Variants in NUDCD1 observed in about 807,000 individuals in gnomAD.
The protein encoded by NUDCD1 is NudC domain containing 1, also known as nudC domain-containing protein 1.
In NUDCD1, 60 loss-of-function variants were observed where a neutral mutation model predicts 67.8. The observed-to-expected ratio is 0.88, with a 90% CI of 0.72 to 1.10. The LOEUF (loss-of-function observed/expected upper bound fraction) is 1.10. NUDCD1 is among the 50% of genes least tolerant of loss of function. The pLI is 0.00. For missense variants in NUDCD1, 643 were observed against 695.0 expected (o/e 0.93, Z 0.84); for synonymous variants, 244 against 230.8 (o/e 1.06, Z -0.52).
At chr8:109,303,002 C>G (rs1054041293) in intron 2 of NUDCD1, among the ~76,000 whole-genome samples, 1 of 152,202 alleles carries the variant, frequency 6.6e-6, no homozygotes, top group Admixed American at 6.5e-5. Flanking sequence ...AGCCACATTT[C>G]CAGCACACCA....
chr8:109,317,227 A>G (rs185779119), intron 2 of NUDCD1, among the ~76,000 whole-genome samples: 32 of 152,324 alleles, frequency 2.1e-4, no homozygotes, highest in Admixed American at 2.6e-4. Flanking sequence ...GAAAATGATA[A>G]TAGAGACCAG....
At chr8:109,258,771 A>T (rs1813797641) in intron 8 of NUDCD1, among the ~76,000 whole-genome samples, 1 of 152,206 alleles carries the variant, frequency 6.6e-6, no homozygotes, top group Non-Finnish European at 1.5e-5. Flanking sequence ...TGAAGGCTTG[A>T]CACTGTACAG....
intron 2 of NUDCD1, among the ~76,000 whole-genome samples, chr8:109,321,887 T>A (rs1346891067): frequency 6.6e-6 from 1 of 152,086 alleles, no homozygotes; most frequent in Non-Finnish European, 1.5e-5. Context: ...AAGAGACATT[T>A]TAAAATGCTA....
chr8:109,315,694 A>C (rs1815374576), intron 2 of NUDCD1: 1 of 152,190 alleles, frequency 6.6e-6, no homozygotes, highest in African/African-American at 2.4e-5. Flanking sequence ...ATTTTCCTGG[A>C]TTCTGCCATG....
chr8:109,300,487 T>C (rs1814960691), intron 2 of NUDCD1, among the ~76,000 whole-genome samples: 1 of 151,808 alleles, frequency 6.6e-6, no homozygotes, highest in African/African-American at 2.4e-5. Context: ...ATCAAACAAG[T>C]AGAAGAAAGA....
chr8:109,296,107 C>T (rs1206671855), intron 3 of NUDCD1, among the ~76,000 whole-genome samples: 2 of 152,090 alleles, frequency 1.3e-5, no homozygotes, highest in African/African-American at 2.4e-5. Context: ...AACGCCAATG[C>T]TTAATGAAGT....
chr8:109,331,980 CCTA>C (rs1324219679), intron 1 of NUDCD1, among the ~76,000 whole-genome samples: 2 of 152,200 alleles, frequency 1.3e-5, no homozygotes, highest in East Asian at 3.9e-4. Flanking sequence ...CAGCATACAA[CCTA>C]CTAATTATTT....
chr8:109,313,819 G>T, intron 2 of NUDCD1: 1 of 1,068,174 alleles, frequency 9.4e-7, no homozygotes, highest in Non-Finnish European at 1.3e-6. Flanking sequence ...GACGGAGGTT[G>T]CTAGAAGTCT....
At chr8:109,314,693 A>C (rs1480710114) in intron 2 of NUDCD1, among the ~76,000 whole-genome samples, 1 of 152,132 alleles carries the variant, frequency 6.6e-6, no homozygotes, top group East Asian at 1.9e-4. Context: ...TCAGGCCTCT[A>C]CACAGTATTT....
intron 1 of NUDCD1, among the ~76,000 whole-genome samples, chr8:109,324,536 C>T (rs1364882074): frequency 1.3e-5 from 2 of 152,034 alleles, no homozygotes; most frequent in Non-Finnish European, 2.9e-5. Flanking sequence ...TACTATACCA[C>T]AATAGGCACT....
At chr8:109,281,236 A>C (rs1329526569) in intron 5 of NUDCD1, 64 bp from the exon 6 acceptor site, 3 of 1,039,096 alleles carry the variant, frequency 2.9e-6, no homozygotes, top group Non-Finnish European at 4.4e-6. Flanking sequence ...CACACACAAA[A>C]CCTATCTAAA....
chr8:109,333,836 C>A, intron 1 of NUDCD1, 57 bp downstream of exon 1: 1 of 1,592,770 alleles, frequency 6.3e-7, no homozygotes. Context: ...AAGGGTCAGG[C>A]CGGAGGCAGC....
intron 2 of NUDCD1, among the ~76,000 whole-genome samples, chr8:109,302,935 G>T (rs1815022914): frequency 6.6e-6 from 1 of 152,142 alleles, no homozygotes. Flanking sequence ...TCGCTTTCAA[G>T]ATGTACAATA....
chr8:109,275,411 C>T lies in NUDCD1; in HGVS notation c.1114G>A (p.Asp372Asn), dbSNP rs1563667905. 6.2e-7 allele frequency: 1 copy of T among 1,613,794 alleles called. No individual in the cohort carries two copies. The change falls in exon 7 of 10, where the codon GAT (aspartate) becomes AAT (asparagine). Residue 372 changes from aspartate (D) to asparagine (N), a missense_variant. Physicochemically the swap from Asp to Asn is conservative, Grantham distance 23. Coordinates refer to ENST00000239690, the MANE Select transcript of NUDCD1 (RefSeq NM_032869.4). Reference sequence around the variant, plus strand: ...GCTATTGCAGCACACTGGGCTGAATCTCTTATAAGTTCCCCTTGTTTATCT... The same window carrying T: ...GCTATTGCAGCACACTGGGCTGAATTTCTTATAAGTTCCCCTTGTTTATCT... ...IGDKQGELIRDSAQCAAIAER... is the reference protein window; with the variant it reads ...IGDKQGELIRNSAQCAAIAER...
intron 7 of NUDCD1, among the ~76,000 whole-genome samples, chr8:109,273,667 C>A (rs1814211630): frequency 6.6e-6 from 1 of 152,072 alleles, no homozygotes. Context: ...AAAACTAAGG[C>A]ACCATAGTTA....
intron 5 of NUDCD1, 116 bp downstream of exon 5, chr8:109,289,635 G>GA: frequency 1.8e-6 from 1 of 542,218 alleles, no homozygotes; most frequent in South Asian, 3.4e-5. Context: ...AGAAAATAAA[G>GA]AAAAAATTAT....
At position 109,241,658 on chromosome 8, in the gene NUDCD1, A is replaced by G. The variant is rs1813368232; in HGVS notation, c.*1351T>C. 6.5e-6 allele frequency: 1 copy of G among 153,674 alleles called. No homozygotes were observed. Among genetic ancestry groups the G allele is most frequent in the African/African-American group, 2.4e-5 (1 of 41,458 alleles). The allele number at this position is 153,674 out of a possible 1,614,324, so 9.5% of individuals were successfully genotyped here. The stretch of plus-strand genomic sequence containing the variant: ...CTCTCTAGGAAACTGCAATCTGACA[A>G]AGGGTTTAGAACATGTATGCAATCC... On this transcript the variant is annotated 3_prime_UTR_variant, in exon 10 of 10. Coordinates refer to ENST00000239690, the MANE Select transcript of NUDCD1 (RefSeq NM_032869.4).
At chr8:109,273,251 T>A (rs146665415) in intron 7 of NUDCD1, among the ~76,000 whole-genome samples, 2 of 152,102 alleles carry the variant, frequency 1.3e-5, no homozygotes, top group Non-Finnish European at 2.9e-5. Context: ...GGAGAAGACC[T>A]GGTAACCATC....
At chr8:109,250,283 T>C (rs1038144593) in intron 8 of NUDCD1, among the ~76,000 whole-genome samples, 2 of 152,176 alleles carry the variant, frequency 1.3e-5, no homozygotes, top group African/African-American at 4.8e-5. Flanking sequence ...AAAATAAAGA[T>C]TTTGCCACTG....
Sources: gnomAD v4.1 joint callset for allele counts (sites outside exome capture counted in the v4.1 genomes callset) on GRCh38, gnomAD v4.1.1 for gene constraint, MANE v1.5 for transcripts, NCBI Gene and HGNC (gene_info 2026-07-23, HGNC 2026-07-21) for gene names.